Variants in COX7B2 observed in about 807,000 individuals in gnomAD.
COX7B2 encodes the protein cytochrome c oxidase subunit 7B2, mitochondrial.
For missense variants in COX7B2, 109 were observed against 95.9 expected (o/e 1.14, Z -0.57); for synonymous variants, 37 against 32.1 (o/e 1.15, Z -0.51).
At position 46,815,554 on chromosome 4, in the gene COX7B2, T is replaced by A. The variant is rs1719506920; in HGVS notation, c.-50+29406A>T. On this transcript the variant is annotated intron_variant, in intron 2 of 2. Transcript: ENST00000355591. The stretch of plus-strand genomic sequence containing the variant: ...TTAACCTTGGAAATTACAGGTTAAC[T>A]GTAAATAAAAGAAGTTTCAACAAAT... Among the ~76,000 whole-genome samples the A allele has an allele frequency of 3.9e-5, 6 of 152,210 alleles. No individual in the cohort carries two copies. In the South Asian group the frequency reaches 1.2e-3, roughly 31 times the overall value.
chr4:46,762,254 AT>A (rs1716208843), intron 2 of COX7B2, among the ~76,000 whole-genome samples: 11 of 138,184 alleles, frequency 8.0e-5, no homozygotes, highest in African/African-American at 3.1e-4. Context: ...TATATATTTA[AT>A]ATATAATATA....
intron 2 of COX7B2, among the ~76,000 whole-genome samples, chr4:46,781,946 G>T (rs371927502): frequency 6.6e-6 from 1 of 152,096 alleles, no homozygotes; most frequent in Non-Finnish European, 1.5e-5. Flanking sequence ...CCCCCATCCC[G>T]CCCGGAGGGC....
chr4:46,789,659 C>T (rs73139387), intron 2 of COX7B2, among the ~76,000 whole-genome samples: 3,425 of 152,226 alleles, frequency 0.022, 117 homozygotes, highest in African/African-American at 0.078. Context: ...TTGCCATCCA[C>T]ATGAATCACT....
chr4:46,822,550 A>C (rs1302380615), intron 2 of COX7B2, among the ~76,000 whole-genome samples: 3 of 152,156 alleles, frequency 2.0e-5, no homozygotes, highest in Admixed American at 6.5e-5. Context: ...TTGACACAGA[A>C]ACAGAAAAAC....
At chr4:46,906,738 A>G (rs1374373312) in intron 1 of COX7B2, among the ~76,000 whole-genome samples, 1 of 152,218 alleles carries the variant, frequency 6.6e-6, no homozygotes, top group African/African-American at 2.4e-5. Context: ...ATTCAAACAC[A>G]TATTTTCCCC....
At chr4:46,897,928 T>C (rs1046192958) in intron 1 of COX7B2, among the ~76,000 whole-genome samples, 3 of 152,218 alleles carry the variant, frequency 2.0e-5, no homozygotes, top group Non-Finnish European at 4.4e-5. Flanking sequence ...TTTCCTCAGC[T>C]TCCCTAACTA....
At chr4:46,801,802 T>G (rs992754413) in intron 2 of COX7B2, among the ~76,000 whole-genome samples, 2 of 152,160 alleles carry the variant, frequency 1.3e-5, no homozygotes, top group Non-Finnish European at 2.9e-5. Context: ...TTTTTAATAT[T>G]TGTCCTAATC....
At chr4:46,795,555 C>G (rs1441456339) in intron 2 of COX7B2, among the ~76,000 whole-genome samples, 1 of 142,908 alleles carries the variant, frequency 7.0e-6, no homozygotes, top group Non-Finnish European at 1.5e-5. Flanking sequence ...TTCCATTGAT[C>G]TATATCTCTG....
At chr4:46,825,992 C>G (rs1369624856) in intron 2 of COX7B2, among the ~76,000 whole-genome samples, 1 of 152,158 alleles carries the variant, frequency 6.6e-6, no homozygotes, top group East Asian at 1.9e-4. Flanking sequence ...GACAAAGATG[C>G]CAAAAGCTAT....
At chr4:46,777,406 G>A (rs938941591) in intron 2 of COX7B2, among the ~76,000 whole-genome samples, 22 of 152,034 alleles carry the variant, frequency 1.4e-4, no homozygotes, top group Non-Finnish European at 1.5e-5. Flanking sequence ...GGGAGATGAA[G>A]GCGGTGGTGG....
chr4:46,879,917 CT>C (rs1313242184), intron 1 of COX7B2, among the ~76,000 whole-genome samples: 2 of 152,078 alleles, frequency 1.3e-5, no homozygotes, highest in Non-Finnish European at 2.9e-5. Flanking sequence ...TTTTTTTCCT[CT>C]GTAGAGAGAT....
At chr4:46,852,831 C>T (rs913467409) in intron 1 of COX7B2, among the ~76,000 whole-genome samples, 1 of 152,030 alleles carries the variant, frequency 6.6e-6, no homozygotes, top group African/African-American at 2.4e-5. Context: ...GGAGATCTAT[C>T]TAGTGTCACA....
chr4:46,859,484 G>A (rs1050464481), intron 1 of COX7B2, among the ~76,000 whole-genome samples: 4 of 152,204 alleles, frequency 2.6e-5, no homozygotes, highest in African/African-American at 7.2e-5. Context: ...TGGTGCTGGG[G>A]AAGTGGAATA....
intron 2 of COX7B2, among the ~76,000 whole-genome samples, chr4:46,805,408 C>G (rs1718946829): frequency 6.6e-6 from 1 of 152,242 alleles, no homozygotes; most frequent in Non-Finnish European, 1.5e-5. Context: ...TACCACAAAA[C>G]TACTTATGTG....
At chr4:46,828,050 A>G (rs1362793157) in intron 2 of COX7B2, among the ~76,000 whole-genome samples, 3 of 152,138 alleles carry the variant, frequency 2.0e-5, no homozygotes, top group Admixed American at 1.3e-4. Flanking sequence ...AAGCTCATCA[A>G]ACTGTACCCT....
At chr4:46,750,612 G>T (rs1023466907) in intron 2 of COX7B2, among the ~76,000 whole-genome samples, 3 of 152,094 alleles carry the variant, frequency 2.0e-5, no homozygotes, top group African/African-American at 7.2e-5. Context: ...TTAAGGTAAA[G>T]GCTAACTTCT....
rs145219208 is a variant in COX7B2 at position 46,794,580 on chromosome 4, C to T, written c.-50+50380G>A. On this transcript the variant is annotated intron_variant, in intron 2 of 2. Transcript: ENST00000355591. Reference sequence around the variant, plus strand: ...GCATCCTTAAAGAGCTCTGTAATTGCTCTTCTCTCGTCTGTAGTGGGAACT... The same window carrying T: ...GCATCCTTAAAGAGCTCTGTAATTGTTCTTCTCTCGTCTGTAGTGGGAACT... Among the ~76,000 whole-genome samples the T allele has an allele frequency of 2.6e-5, 4 of 152,108 alleles. No individual in the cohort carries two copies. In the East Asian group the frequency reaches 7.8e-4, roughly 30 times the overall value.
chr4:46,754,736 A>G (rs1430949203), intron 2 of COX7B2, among the ~76,000 whole-genome samples: 2 of 127,976 alleles, frequency 1.6e-5, no homozygotes, highest in East Asian at 2.4e-4. Context: ...GTGTATATAT[A>G]TATATATATA....
At chr4:46,804,188 G>A (rs12499341) in intron 2 of COX7B2, among the ~76,000 whole-genome samples, 45,795 of 151,988 alleles carry the variant, frequency 0.3, 7,457 homozygotes, top group South Asian at 0.47. Context: ...AGCTTCAAGA[G>A]TGAAGCCGCA....
Sources: allele counts gnomAD v4.1 joint callset (sites outside exome capture counted in the v4.1 genomes callset), GRCh38; gene constraint gnomAD v4.1.1; transcripts MANE v1.5; gene names NCBI Gene and HGNC (gene_info 2026-07-23, HGNC 2026-07-21).